RHOT1: variants seen among roughly 807,000 people sequenced by gnomAD.
RHOT1 encodes ras homolog family member T1, also known as mitochondrial Rho GTPase 1.
A neutral mutation model predicts 95.3 loss-of-function variants in RHOT1; 27 were observed. That is an observed-to-expected ratio of 0.28 (90% CI 0.21 to 0.39). RHOT1 has a LOEUF of 0.39. RHOT1 is among the 10% of genes least tolerant of loss of function. RHOT1 has a pLI of 1.00. For synonymous variants in RHOT1, 227 were observed against 263.5 expected, an observed-to-expected ratio of 0.86 and a Z score of 1.34; for missense variants, 578 against 786.7, an observed-to-expected ratio of 0.73 and a Z score of 3.17.
chr17:32,147,109 A>G (rs897395686), intron 1 of RHOT1, among the ~76,000 whole-genome samples: 19 of 150,652 alleles, frequency 1.3e-4, no homozygotes, highest in African/African-American at 3.7e-4. Flanking sequence ...CAGTGGCACA[A>G]TCTCGGCTCG....
rs952627070 is a variant in RHOT1, at chr17:32,186,432, C to T, written c.540+3160C>T. ...AGGCTGGAGTCCAGTGGCACAATCT[C>T]GGCTCACTGCAAACTTCACCTCCTG... is the stretch of plus-strand genomic sequence containing the variant. On this transcript the variant is annotated intron_variant, in intron 8 of 19. Transcript: ENST00000545287. 1.3e-4 allele frequency among the ~76,000 whole-genome samples: 20 copies of T among 149,724 alleles called. No homozygotes were observed. In the South Asian group the frequency reaches 3.4e-3, roughly 25 times the overall value.
intron 18 of RHOT1, chr17:32,209,613 A>G: frequency 2.0e-6 from 1 of 504,672 alleles, no homozygotes; most frequent in Admixed American, 3.4e-5. Flanking sequence ...CTTACTACAT[A>G]AATGTACTTC....
chr17:32,180,714 AAAAG>A (rs1377303082), intron 6 of RHOT1, among the ~76,000 whole-genome samples: 9 of 151,434 alleles, frequency 5.9e-5, no homozygotes, highest in Admixed American at 1.3e-4. Flanking sequence ...AAAAAAAAAA[AAAAG>A]AGGGCAGTTT....
At chr17:32,212,347 A>G (rs970566220) in intron 19 of RHOT1, among the ~76,000 whole-genome samples, 5 of 152,220 alleles carry the variant, frequency 3.3e-5, no homozygotes, top group Admixed American at 2.6e-4. Flanking sequence ...CAGCTCTGGA[A>G]TAAGAATGCA....
chr17:32,160,143 C>G (rs193228157), intron 1 of RHOT1: 1 of 152,244 alleles, frequency 6.6e-6, no homozygotes, highest in East Asian at 1.9e-4. Context: ...GAGCTACCCT[C>G]TCTCCTGAGA....
At chr17:32,205,369 C>T (rs554418233) in intron 16 of RHOT1, among the ~76,000 whole-genome samples, 32 of 152,206 alleles carry the variant, frequency 2.1e-4, no homozygotes, top group African/African-American at 7.7e-4. Flanking sequence ...TTTATGGCTG[C>T]ATACTTCTAT....
intron 6 of RHOT1, among the ~76,000 whole-genome samples, chr17:32,178,013 C>T (rs1053087334): frequency 1.1e-4 from 16 of 151,394 alleles, no homozygotes; most frequent in Middle Eastern, 3.4e-3. Context: ...TTAGTAGAGA[C>T]GGGGTTTCAC....
At chr17:32,222,829 G>T in intron 19 of RHOT1, 1 of 985,376 alleles carries the variant, frequency 1.0e-6, no homozygotes, top group Non-Finnish European at 1.2e-6. Context: ...TACTCACCAG[G>T]TGCATGCTGT....
intron 19 of RHOT1, among the ~76,000 whole-genome samples, chr17:32,221,852 G>A (rs1292527474): frequency 1.3e-5 from 2 of 152,162 alleles, no homozygotes; most frequent in African/African-American, 2.4e-5. Flanking sequence ...TGTAGTTCCA[G>A]CAGTTAGAGA....
chr17:32,181,891 A>G (rs1241143029), intron 6 of RHOT1, among the ~76,000 whole-genome samples: 1 of 152,040 alleles, frequency 6.6e-6, no homozygotes, highest in Non-Finnish European at 1.5e-5. Flanking sequence ...CTCTTTACTC[A>G]GTACTCTGTA....
At chr17:32,208,636 G>T in intron 18 of RHOT1, 1 of 200,984 alleles carries the variant, frequency 5.0e-6, no homozygotes, top group Non-Finnish European at 1.0e-5. Flanking sequence ...GTTGTTTTAT[G>T]CTTATAAAGC....
intron 1 of RHOT1, among the ~76,000 whole-genome samples, chr17:32,145,572 C>G (rs1056531286): frequency 4.6e-5 from 7 of 152,182 alleles, no homozygotes; most frequent in African/African-American, 1.7e-4. Flanking sequence ...CTTTCTGCTC[C>G]TGCTTTCCTC....
chr17:32,195,124 C>CT (rs770806549), intron 11 of RHOT1, among the ~76,000 whole-genome samples: 65 of 144,718 alleles, frequency 4.5e-4, no homozygotes, highest in Middle Eastern at 3.7e-3. Context: ...TGCACCCGGC[C>CT]TTTTTTTTTT....
intron 1 of RHOT1, among the ~76,000 whole-genome samples, chr17:32,148,412 G>T (rs8069167): frequency 6.6e-6 from 1 of 152,202 alleles, no homozygotes; most frequent in Non-Finnish European, 1.5e-5. Context: ...TATTCTGTTC[G>T]TACAGAGTCC....
At chr17:32,202,952 A>G in intron 15 of RHOT1, 52 bp downstream of exon 15, 1 of 1,564,960 alleles carries the variant, frequency 6.4e-7, no homozygotes. Context: ...TATAGTTACT[A>G]GTTTACATAA....
chr17:32,186,203 T>C (rs2142709643), intron 8 of RHOT1, among the ~76,000 whole-genome samples: 1 of 152,230 alleles, frequency 6.6e-6, no homozygotes, highest in East Asian at 1.9e-4. Context: ...TTATTTTACT[T>C]TTCTTTTTTG....
At chr17:32,195,965 T>C (rs1446089543) in intron 11 of RHOT1, among the ~76,000 whole-genome samples, 1 of 152,200 alleles carries the variant, frequency 6.6e-6, no homozygotes, top group Non-Finnish European at 1.5e-5. Context: ...TCTTGTCGCA[T>C]TGTGGCTTAC....
chr17:32,166,968 C>T (rs1008731479), intron 1 of RHOT1, among the ~76,000 whole-genome samples: 4 of 152,104 alleles, frequency 2.6e-5, no homozygotes, highest in Non-Finnish European at 5.9e-5. Context: ...TTTACTTTGC[C>T]CACATCCATC....
At chr17:32,155,495 CT>C (rs767564866) in intron 1 of RHOT1, among the ~76,000 whole-genome samples, 3,135 of 135,404 alleles carry the variant, frequency 0.023, 64 homozygotes, top group African/African-American at 0.058. Flanking sequence ...TTCTTTCTTT[CT>C]TTTTTTTTTT....
Sources: gnomAD v4.1 joint callset for allele counts (sites outside exome capture counted in the v4.1 genomes callset) on GRCh38, gnomAD v4.1.1 for gene constraint, MANE v1.5 for transcripts, NCBI Gene and HGNC (gene_info 2026-07-23, HGNC 2026-07-21) for gene names.